The following HECW1 variants were observed in gnomAD, a reference collection of about 807,000 sequenced individuals.
HECW1 encodes the protein E3 ubiquitin-protein ligase HECW1.
Under a neutral mutation model 182.3 loss-of-function variants are expected in HECW1, and 61 were observed. That is an observed-to-expected ratio of 0.33 (90% CI 0.27 to 0.41). The LOEUF is 0.41. HECW1 is among the 10% of genes least tolerant of loss of function. The pLI is 1.00. For synonymous variants in HECW1, 859 were observed against 832.6 expected (o/e 1.03, Z -0.55); for missense variants, 1,739 against 2,108.9 (o/e 0.82, Z 3.44).
chr7:43,249,960 T>C (rs912968604), intron 3 of HECW1, among the ~76,000 whole-genome samples: 1 of 152,128 alleles, frequency 6.6e-6, no homozygotes, highest in Admixed American at 6.6e-5. Flanking sequence ...TCAGCAGATA[T>C]GGGTCCCGGG....
chr7:43,430,612 T>A lies in HECW1; in HGVS notation c.802-7391T>A, dbSNP rs115412415. On this transcript the variant is annotated intron_variant, in intron 8 of 29. Transcript: ENST00000395891. The stretch of plus-strand genomic sequence containing the variant: ...TTAAGCCGATTTGTCTATAGCTGAC[T>A]GGTTTAATTTTGCTGAGTCATGTGG... Among the ~76,000 whole-genome samples the A allele has an allele frequency of 8.0e-3, 1,219 of 152,240 alleles. 13 individuals carry two copies. Among genetic ancestry groups the A allele is most frequent in the African/African-American group, 0.027 (1,142 of 41,564 alleles).
chr7:43,520,657 T>C (rs900461231), intron 24 of HECW1, among the ~76,000 whole-genome samples: 1 of 151,984 alleles, frequency 6.6e-6, no homozygotes, highest in Non-Finnish European at 1.5e-5. Context: ...AAGGTTTTTT[T>C]TAAAAAAAAC....
At chr7:43,518,354 G>A (rs191055840) in intron 24 of HECW1, among the ~76,000 whole-genome samples, 80 of 152,138 alleles carry the variant, frequency 5.3e-4, no homozygotes, top group African/African-American at 1.8e-3. Context: ...AAATTAACCA[G>A]GCCTAGTGGC....
In HECW1 at chr7:43,558,918, A is replaced by G. The variant is rs150803873; in HGVS notation, c.4710-2897A>G. On this transcript the variant is annotated intron_variant, in intron 29 of 29. Coordinates refer to ENST00000395891, the MANE Select transcript of HECW1 (RefSeq NM_015052.5). ...CAAACTTGAAAAAGAGTAAATTTAG[A>G]AGGAAAGAGAGCAAGGCCTATCTGA... is the stretch of plus-strand genomic sequence containing the variant. Among the ~76,000 whole-genome samples the G allele has an allele frequency of 9.4e-4, 143 of 152,270 alleles. 1 individual carries two copies. In the East Asian group the frequency reaches 0.022, roughly 23 times the overall value.
intron 4 of HECW1, among the ~76,000 whole-genome samples, chr7:43,313,690 A>C (rs1808829345): frequency 6.6e-6 from 1 of 152,164 alleles, no homozygotes; most frequent in Admixed American, 6.5e-5. Flanking sequence ...GATTATCCAC[A>C]CTTAAAATGT....
chr7:43,327,118 G>C (rs146066435), intron 5 of HECW1, among the ~76,000 whole-genome samples: 1 of 152,310 alleles, frequency 6.6e-6, no homozygotes, highest in Non-Finnish European at 1.5e-5. Flanking sequence ...CTCAATCTGT[G>C]CTACAATAAA....
intron 2 of HECW1, among the ~76,000 whole-genome samples, chr7:43,216,140 G>A (rs1796420462): frequency 6.6e-6 from 1 of 151,988 alleles, no homozygotes; most frequent in Non-Finnish European, 1.5e-5. Context: ...TTGTTTGTTT[G>A]TTTGTTTTTG....
chr7:43,472,342 C>G (rs2078054420), intron 16 of HECW1, among the ~76,000 whole-genome samples: 1 of 152,212 alleles, frequency 6.6e-6, no homozygotes, highest in Admixed American at 6.5e-5. Flanking sequence ...AGGCCATGTG[C>G]TCCCCCATGT....
intron 2 of HECW1, among the ~76,000 whole-genome samples, chr7:43,198,285 C>T (rs893310737): frequency 8.0e-5 from 12 of 149,284 alleles, no homozygotes; most frequent in African/African-American, 3.0e-4. Flanking sequence ...CACTCACACA[C>T]CACACACATT....
rs557344180 is a variant in HECW1, at chr7:43,184,847, G to A, written c.-31-59028G>A. Among the ~76,000 whole-genome samples the A allele has an allele frequency of 3.9e-5, 6 of 152,174 alleles. No individual in the cohort carries two copies. In the South Asian group the frequency reaches 6.2e-4, roughly 16 times the overall value. On this transcript the variant is annotated intron_variant, in intron 2 of 29. Transcript: ENST00000395891. ...GCCTCAGAAAACTTACAGTGATAGCGGAAGGTGAAGGGGAAGCAGGCAGGT... is the reference window on the plus strand; with the variant it reads ...GCCTCAGAAAACTTACAGTGATAGCAGAAGGTGAAGGGGAAGCAGGCAGGT...
At chr7:43,504,464 T>C (rs752033959) in intron 21 of HECW1, among the ~76,000 whole-genome samples, 3 of 152,200 alleles carry the variant, frequency 2.0e-5, no homozygotes, top group Non-Finnish European at 2.9e-5. Context: ...CTGCGGTTCA[T>C]CATTTCAATA....
At chr7:43,391,789 G>T (rs111670473) in intron 6 of HECW1, among the ~76,000 whole-genome samples, 9 of 152,356 alleles carry the variant, frequency 5.9e-5, no homozygotes, top group African/African-American at 2.2e-4. Flanking sequence ...CTCTGTAAAC[G>T]TGGGTAAGGT....
chr7:43,447,915 C>T (rs2077111515), intron 11 of HECW1, among the ~76,000 whole-genome samples: 1 of 151,878 alleles, frequency 6.6e-6, no homozygotes, highest in African/African-American at 2.4e-5. Context: ...TGCCTGAGGT[C>T]AGGAGTTCAA....
chr7:43,439,716 C>G (rs377221948), intron 9 of HECW1: 4 of 152,672 alleles, frequency 2.6e-5, no homozygotes, highest in Non-Finnish European at 5.9e-5. Flanking sequence ...TCCAAGCTGC[C>G]GGCTCCTATC....
Position 43,541,869 on chromosome 7 carries a change from G to A in HECW1, c.4119G>A (p.Leu1373=), listed in dbSNP as rs778509700. The change falls in exon 26 of 30, where the codon CTG becomes CTA. Residue 1373 remains leucine, a splice_region_variant and synonymous_variant. Coordinates refer to ENST00000395891, the MANE Select transcript of HECW1 (RefSeq NM_015052.5). The part of the protein sequence containing the change: ...TRPFYKALLR[L]PCDLSDLEYL... Reference sequence around the variant, plus strand: ...TGCCTTTCTCACTGAATTCACCCAGGCCCTGTGATTTGAGTGACCTGGAAT... The same window carrying A: ...TGCCTTTCTCACTGAATTCACCCAGACCCTGTGATTTGAGTGACCTGGAAT... 6.6e-7 allele frequency: 1 copy of A among 1,508,348 alleles called. No homozygotes were observed. Among genetic ancestry groups the A allele is most frequent in the South Asian group, 1.4e-5 (1 of 71,434 alleles). The allele number at this position is 1,508,348 out of a possible 1,614,324, so 93.4% of individuals were successfully genotyped here.
At chr7:43,429,351 C>T (rs868562914) in intron 8 of HECW1, among the ~76,000 whole-genome samples, 3 of 138,504 alleles carry the variant, frequency 2.2e-5, no homozygotes, top group African/African-American at 2.7e-5. Flanking sequence ...TATGCAGATT[C>T]CCTGCAGTTA....
chr7:43,375,815 C>T (rs1239030018), intron 6 of HECW1, among the ~76,000 whole-genome samples: 1 of 150,824 alleles, frequency 6.6e-6, no homozygotes, highest in African/African-American at 2.4e-5. Flanking sequence ...ATTGCTTGAG[C>T]CCTGGAGGTC....
At chr7:43,204,286 A>G (rs1266619486) in intron 2 of HECW1, among the ~76,000 whole-genome samples, 1 of 152,218 alleles carries the variant, frequency 6.6e-6, no homozygotes, top group Non-Finnish European at 1.5e-5. Context: ...TTTGTTGAAT[A>G]AACAAAATAA....
chr7:43,134,551 G>A (rs1281320502), intron 2 of HECW1, among the ~76,000 whole-genome samples: 1 of 151,820 alleles, frequency 6.6e-6, no homozygotes, highest in Non-Finnish European at 1.5e-5. Context: ...TGTCCCCAAG[G>A]CTGGAATGCA....
Sources: gnomAD v4.1 joint callset for allele counts (sites outside exome capture counted in the v4.1 genomes callset) on GRCh38, gnomAD v4.1.1 for gene constraint, MANE v1.5 for transcripts, NCBI Gene and HGNC (gene_info 2026-07-23, HGNC 2026-07-21) for gene names.